Variants in DLGAP2 observed in about 807,000 individuals in gnomAD.
DLGAP2 encodes disks large-associated protein 2.
Under a neutral mutation model 100.3 loss-of-function variants are expected in DLGAP2, and 26 were observed. That is an observed-to-expected ratio of 0.26 (90% CI 0.19 to 0.36). The LOEUF (loss-of-function observed/expected upper bound fraction) is 0.36, where lower values mean the gene tolerates loss of function less well. Ranked by LOEUF, DLGAP2 falls within the 10% of genes least tolerant of loss-of-function variation. The pLI is 1.00. For missense variants in DLGAP2, 1,858 were observed against 1,453.2 expected (o/e 1.28, Z -4.53); for synonymous variants, 886 against 630.1 (o/e 1.41, Z -6.08).
At chr8:1,071,684 C>G (rs1381471709) in intron 2 of DLGAP2, among the ~76,000 whole-genome samples, 1 of 152,172 alleles carries the variant, frequency 6.6e-6, no homozygotes, top group Non-Finnish European at 1.5e-5. Context: ...TATTGTACAA[C>G]TTGTTAGGAT....
At position 1,317,372 on chromosome 8, in the gene DLGAP2, T is replaced by G. The variant is rs28469140; in HGVS notation, c.106+58489T>G. Reference sequence around the variant, plus strand: ...GTCTACACTCGAGAAACTCGGCAGCTTTTAAAAATAGAGCCTGTGCGAGTG... The same window carrying G: ...GTCTACACTCGAGAAACTCGGCAGCGTTTAAAAATAGAGCCTGTGCGAGTG... On this transcript the variant is annotated intron_variant, in intron 3 of 14. Coordinates refer to ENST00000637795, the MANE Select transcript of DLGAP2 (RefSeq NM_001346810.2). Among the ~76,000 whole-genome samples, 173 of 88,214 alleles carry G rather than the reference T, an allele frequency of 2.0e-3. No homozygotes were observed. The Middle Eastern group carries it at 0.027, about 14-fold the overall frequency. The allele number at this position is 88,214 out of a possible 152,430, so 57.9% of individuals were successfully genotyped here.
chr8:1,017,614 G>T (rs1295081074), intron 2 of DLGAP2, among the ~76,000 whole-genome samples: 2 of 144,992 alleles, frequency 1.4e-5, no homozygotes, highest in African/African-American at 2.5e-5. Context: ...GACAGACGGC[G>T]CCTCCACTGT....
chr8:1,028,686 A>G (rs1030643072), intron 2 of DLGAP2, among the ~76,000 whole-genome samples: 1 of 152,216 alleles, frequency 6.6e-6, no homozygotes, highest in African/African-American at 2.4e-5. Flanking sequence ...GGGTGTGGAG[A>G]CAAAGGAGGC....
rs80270626 is a variant in DLGAP2 at position 1,266,494 on chromosome 8, A to T, written c.106+7611A>T. ...TGGCCAGCCATAAATAACTATTACC[A>T]AAGCATAAGTCAGATCATATTATTT... On this transcript the variant is annotated intron_variant, in intron 3 of 14. Coordinates refer to ENST00000637795, the MANE Select transcript of DLGAP2 (RefSeq NM_001346810.2). Among the ~76,000 whole-genome samples, 483 of 152,236 alleles carry T rather than the reference A, an allele frequency of 3.2e-3. 1 individual carries two copies. The highest frequency in any genetic ancestry group is 0.011 in the African/African-American group (459 of 41,532).
chr8:1,316,603 CG>C (rs1800757164), intron 3 of DLGAP2, among the ~76,000 whole-genome samples: 1 of 138,266 alleles, frequency 7.2e-6, no homozygotes. Flanking sequence ...CACTCGGCAG[CG>C]TTTAAAAATA....
intron 2 of DLGAP2, among the ~76,000 whole-genome samples, chr8:1,023,222 G>C (rs541649862): frequency 5.3e-4 from 81 of 152,322 alleles, no homozygotes; most frequent in Non-Finnish European, 9.4e-4. Context: ...TATCTGGTCA[G>C]GTTGTTCTCA....
chr8:1,676,889 T>C (rs1798823816), intron 11 of DLGAP2, among the ~76,000 whole-genome samples: 1 of 152,212 alleles, frequency 6.6e-6, no homozygotes, highest in Non-Finnish European at 1.5e-5. Context: ...TCAGAGTCCT[T>C]GATCCAAAGG....
intron 3 of DLGAP2, among the ~76,000 whole-genome samples, chr8:1,413,241 T>C (rs1032841685): frequency 2.0e-5 from 3 of 152,182 alleles, no homozygotes; most frequent in African/African-American, 7.2e-5. Flanking sequence ...GCTATTTATT[T>C]ATAGTATTTT....
intron 12 of DLGAP2, among the ~76,000 whole-genome samples, chr8:1,688,677 A>G (rs1024380676): frequency 1.3e-5 from 2 of 152,196 alleles, no homozygotes; most frequent in Non-Finnish European, 2.9e-5. Flanking sequence ...GAGCAAAACA[A>G]TCTTCATTTT....
chr8:1,117,705 G>A (rs939902959), intron 2 of DLGAP2, among the ~76,000 whole-genome samples: 1 of 152,138 alleles, frequency 6.6e-6, no homozygotes, highest in Non-Finnish European at 1.5e-5. Context: ...GAGAGGAGGG[G>A]GAGGCGGCTG....
chr8:1,075,753 G>A (rs1267573601), intron 2 of DLGAP2, among the ~76,000 whole-genome samples: 1 of 152,024 alleles, frequency 6.6e-6, no homozygotes, highest in Non-Finnish European at 1.5e-5. Flanking sequence ...GCTGAGTGAT[G>A]AGCAGATGGT....
At chr8:1,185,146 C>A (rs1217268667) in intron 2 of DLGAP2, among the ~76,000 whole-genome samples, 1 of 152,164 alleles carries the variant, frequency 6.6e-6, no homozygotes, top group Non-Finnish European at 1.5e-5. Flanking sequence ...GACGGCATAA[C>A]TGTTGAACAC....
At chr8:1,606,537 C>T (rs1796806095) in intron 6 of DLGAP2, among the ~76,000 whole-genome samples, 1 of 152,172 alleles carries the variant, frequency 6.6e-6, no homozygotes, top group African/African-American at 2.4e-5. Context: ...ATCCACATTG[C>T]AGCATGTGTC....
At position 993,917 on chromosome 8, in the gene DLGAP2, G is replaced by A. The variant is rs117252987; in HGVS notation, c.73+85951G>A. Among the ~76,000 whole-genome samples the A allele has an allele frequency of 8.8e-4, 132 of 149,748 alleles. 5 individuals carry two copies. In the East Asian group the frequency reaches 0.022, roughly 25 times the overall value. ...GCTACTTAGAGGCTTGACTCTAATAGCAGATCCCGGCTGGTAATTTTCCCT... is the reference window on the plus strand; with the variant it reads ...GCTACTTAGAGGCTTGACTCTAATAACAGATCCCGGCTGGTAATTTTCCCT... On this transcript the variant is annotated intron_variant, in intron 2 of 14. Coordinates refer to ENST00000637795, the MANE Select transcript of DLGAP2 (RefSeq NM_001346810.2).
intron 6 of DLGAP2, among the ~76,000 whole-genome samples, chr8:1,591,697 G>C (rs570790020): frequency 6.6e-6 from 1 of 152,138 alleles, no homozygotes; most frequent in African/African-American, 2.4e-5. Context: ...CATGTGTGCA[G>C]CCAGTTTACA....
chr8:768,416 T>TG (rs1821269327), intron 1 of DLGAP2, among the ~76,000 whole-genome samples: 1 of 143,578 alleles, frequency 7.0e-6, no homozygotes, highest in African/African-American at 2.6e-5. Context: ...GGGAAGGCGT[T>TG]GATTTTTTTT....
intron 12 of DLGAP2, chr8:1,680,841 C>G (rs1410126314): frequency 6.6e-6 from 1 of 152,182 alleles, no homozygotes; most frequent in African/African-American, 2.4e-5. Context: ...AAAGATAAAA[C>G]ACAGAAAAAC....
At chr8:1,366,551 A>G (rs777090367) in intron 3 of DLGAP2, among the ~76,000 whole-genome samples, 52 of 152,288 alleles carry the variant, frequency 3.4e-4, no homozygotes, top group Non-Finnish European at 5.4e-4. Flanking sequence ...GGGACAAGGC[A>G]GAGGTGTGAG....
At chr8:802,583 T>A (rs1003758970) in intron 1 of DLGAP2, among the ~76,000 whole-genome samples, 41 of 152,138 alleles carry the variant, frequency 2.7e-4, no homozygotes, top group African/African-American at 9.4e-4. Flanking sequence ...AGGGGCTGCA[T>A]GGCGGGGTGG....
Sources: gnomAD v4.1 joint callset for allele counts (sites outside exome capture counted in the v4.1 genomes callset) on GRCh38, gnomAD v4.1.1 for gene constraint, MANE v1.5 for transcripts, NCBI Gene and HGNC (gene_info 2026-07-23, HGNC 2026-07-21) for gene names.